The following GLRX2 variants were observed in gnomAD, a reference collection of about 807,000 sequenced individuals.
GLRX2 encodes bA101E13.1 (GRX2 glutaredoxin (thioltransferase) 2).
Under a neutral mutation model 16.4 loss-of-function variants are expected in GLRX2, and 12 were observed. The observed-to-expected ratio is 0.73, with a 90% CI of 0.47 to 1.19. The LOEUF is 1.19. Ranked by LOEUF, GLRX2 falls within the 50% of genes most tolerant of loss-of-function variation. The pLI, the probability that GLRX2 is intolerant of heterozygous loss-of-function variation, is 0.00. For missense variants in GLRX2, 201 were observed against 201.8 expected, an observed-to-expected ratio of 1.00 and a Z score of 0.02; for synonymous variants, 95 against 76.2, an observed-to-expected ratio of 1.25 and a Z score of -1.28.
chr1:193,104,967 A>G (rs772069100), intron 1 of GLRX2, among the ~76,000 whole-genome samples: 3 of 152,254 alleles, frequency 2.0e-5, no homozygotes, highest in Non-Finnish European at 2.9e-5. Context: ...AGAAATTCCA[A>G]TTGATTGCGG....
rs770184070 is a variant in GLRX2, at chr1:193,096,578, C to A, written c.*47G>T. On this transcript the variant is annotated 3_prime_UTR_variant, in exon 4 of 4. Coordinates refer to ENST00000367439, the MANE Select transcript of GLRX2 (RefSeq NM_197962.3). ...TTTAAAAGACATTATCGGGCATTAC[C>A]ACTTTAAATAACTGACACTGTACTA... 1.3e-5 allele frequency: 14 copies of A among 1,091,730 alleles called. No homozygotes were observed. In the African/African-American group the frequency reaches 2.2e-4, roughly 17 times the overall value. The allele number at this position is 1,091,730 out of a possible 1,614,324, so 67.6% of individuals were successfully genotyped here.
At chr1:193,104,905 T>G (rs948389880) in intron 1 of GLRX2, among the ~76,000 whole-genome samples, 1 of 152,266 alleles carries the variant, frequency 6.6e-6, no homozygotes, top group Non-Finnish European at 1.5e-5. Flanking sequence ...TTTTCCTATG[T>G]CCACTGCAGT....
intron 1 of GLRX2, among the ~76,000 whole-genome samples, chr1:193,103,910 T>C (rs546684758): frequency 2.0e-5 from 3 of 152,106 alleles, no homozygotes; most frequent in African/African-American, 7.2e-5. Context: ...AGCTTTAAGA[T>C]AAAAGAAAGT....
intron 1 of GLRX2, among the ~76,000 whole-genome samples, chr1:193,102,809 A>T (rs536096753): frequency 7.9e-5 from 12 of 152,312 alleles, no homozygotes; most frequent in Middle Eastern, 3.4e-3. Flanking sequence ...TTACATGGAA[A>T]ATTTCAGAAG....
chr1:193,099,913 G>A (rs1043370705), intron 2 of GLRX2, among the ~76,000 whole-genome samples: 6 of 152,142 alleles, frequency 3.9e-5, no homozygotes, highest in East Asian at 1.9e-4. Context: ...TGAGTGGTTC[G>A]TAATACTGGG....
rs779631502 is a variant in GLRX2, at chr1:193,097,559, A to G, written c.360+25T>C. 1.9e-6 allele frequency: 3 copies of G among 1,550,646 alleles called. No individual in the cohort carries two copies. In the Admixed American group the frequency reaches 6.1e-5, roughly 31 times the overall value. ...CTAGTTTACAACCTATTAAAGAGGAACAGCACCACAGAGGATATACTCACA... is the reference window on the plus strand; with the variant it reads ...CTAGTTTACAACCTATTAAAGAGGAGCAGCACCACAGAGGATATACTCACA... On this transcript the variant is annotated intron_variant, in intron 3 of 3. Transcript: ENST00000367439.
Position 193,096,760 on chromosome 1 carries a change from C to A in GLRX2, c.361-1G>T. 1 of 1,600,682 alleles carries A rather than the reference C, an allele frequency of 6.2e-7. No homozygotes were observed. ...TACCATTGACAAATATTCTTGGAAC[C>A]TGTTGGACAAACAAAAGAAGAATTA... On this transcript the variant is annotated splice_acceptor_variant, in intron 3 of 3. Coordinates refer to ENST00000367439, the MANE Select transcript of GLRX2 (RefSeq NM_197962.3). LOFTEE classifies it high-confidence loss of function.
Position 193,096,772 on chromosome 1 carries a change from CA to C in GLRX2, c.361-14del. ...ATATTCTTGGAACCTGTTGGACAAACAAAAGAAGAATTAGGCTTTACTCTAG... is the reference window on the plus strand; with the variant it reads ...ATATTCTTGGAACCTGTTGGACAAACAAAGAAGAATTAGGCTTTACTCTAG... On this transcript the variant is annotated splice_polypyrimidine_tract_variant and intron_variant, in intron 3 of 3. Transcript: ENST00000367439. The C allele has an allele frequency of 6.3e-7, 1 of 1,592,800 alleles. No individual in the cohort carries two copies.
Position 193,105,270 on chromosome 1 carries a change from G to T in GLRX2, c.113C>A (p.Ala38Asp). ...CTGCCCGCTGACCCCGTACCCAGAG[G>T]CCGCAGCTGCCGCAGCTCCCGCAGC... ...AGAAGAAAAA[A>D]SGMESNTSSS... The change falls in exon 1 of 4, where the codon GCC (alanine) becomes GAC (aspartate). Residue 38 changes from alanine to aspartate, a missense_variant. By Grantham distance (126) the Ala-to-Asp change is moderately radical. Transcript: ENST00000367439. 6.5e-7 allele frequency: 1 copy of T among 1,527,550 alleles called. No individual in the cohort carries two copies. 94.6% of individuals were successfully genotyped at this position (1,527,550 alleles called of 1,614,324 possible). A position where few individuals can be genotyped will look rare whatever the true frequency, so the allele number is the denominator to read the frequency against.
chr1:193,097,272 C>G (rs1674978029), intron 3 of GLRX2, among the ~76,000 whole-genome samples: 1 of 152,212 alleles, frequency 6.6e-6, no homozygotes, highest in Admixed American at 6.5e-5. Context: ...AGACCAACCC[C>G]TGTATTGCCC....
upstream of GLRX2, chr1:193,105,688 TC>T: frequency 6.5e-7 from 1 of 1,550,088 alleles, no homozygotes. Flanking sequence ...TCATAAAGGC[TC>T]CCAGGCACTT....
chr1:193,102,747 C>T (rs1558268145), intron 1 of GLRX2, among the ~76,000 whole-genome samples: 1 of 152,202 alleles, frequency 6.6e-6, no homozygotes, highest in Non-Finnish European at 1.5e-5. Flanking sequence ...ACACAGTAGT[C>T]CCCCTTTATC....
rs1371574364 is a variant in GLRX2, at chr1:193,105,288, C to T, written c.95G>A (p.Gly32Glu). 2 of 1,528,780 alleles carry T rather than the reference C, an allele frequency of 1.3e-6. No individual in the cohort carries two copies. The highest frequency in any genetic ancestry group is 1.7e-6 in the Non-Finnish European group (2 of 1,146,808). 94.7% of individuals were successfully genotyped at this position (1,528,780 alleles called of 1,614,324 possible). A position where few individuals can be genotyped will look rare whatever the true frequency, so the allele number is the denominator to read the frequency against. ...CCCAGAGGCCGCAGCTGCCGCAGCT[C>T]CCGCAGCTCCCGCCGCCCTGTCAAG... is the stretch of plus-strand genomic sequence containing the variant. ...GWLDRAAGAA[G>E]AAAAAASGME... The change falls in exon 1 of 4, where the codon GGA becomes GAA. Residue 32 changes from glycine (G) to glutamate (E), a missense_variant. By Grantham distance (98) the Gly-to-Glu change is moderately conservative (BLOSUM62 -2). Coordinates refer to ENST00000367439, the MANE Select transcript of GLRX2 (RefSeq NM_197962.3).
intron 2 of GLRX2, among the ~76,000 whole-genome samples, chr1:193,098,638 G>A (rs1055245623): frequency 3.3e-5 from 5 of 151,980 alleles, no homozygotes; most frequent in African/African-American, 7.3e-5. Flanking sequence ...AGCAACCTGC[G>A]CCTCCCAGGT....
intron 2 of GLRX2, 38 bp from the exon 3 acceptor site, chr1:193,097,798 C>T (rs1376871772): frequency 8.6e-6 from 12 of 1,387,956 alleles, no homozygotes; most frequent in Non-Finnish European, 1.1e-5. Flanking sequence ...TAATTCTAGA[C>T]ATTACCATTT....
In GLRX2 at chr1:193,099,242, C is replaced by CT. The variant is rs575154405; in HGVS notation, c.184-1483dup. Among the ~76,000 whole-genome samples, 289 of 152,270 alleles carry CT rather than the reference C, an allele frequency of 1.9e-3. 4 individuals carry two copies. The highest frequency in any genetic ancestry group is 6.6e-3 in the African/African-American group (274 of 41,568). On this transcript the variant is annotated intron_variant, in intron 2 of 3. Transcript: ENST00000367439. ...CATCCACGCAGCCTATGAAGTTTTT[C>CT]TTTTTGTTTTTTGTTTCTAAACATA...
chr1:193,102,370 G>A (rs761952920), intron 1 of GLRX2, among the ~76,000 whole-genome samples: 12 of 152,028 alleles, frequency 7.9e-5, no homozygotes, highest in Non-Finnish European at 1.8e-4. Context: ...TCTTCTTTTT[G>A]AGATGGAGTC....
chr1:193,105,016 C>T (rs1354568916), intron 1 of GLRX2, among the ~76,000 whole-genome samples: 1 of 152,194 alleles, frequency 6.6e-6, no homozygotes, highest in East Asian at 1.9e-4. Flanking sequence ...GAGGGATGGC[C>T]TAAGTGAACA....
At chr1:193,104,723 G>A (rs12118724) in intron 1 of GLRX2, among the ~76,000 whole-genome samples, 6,322 of 152,352 alleles carry the variant, frequency 0.041, 125 homozygotes, top group Middle Eastern at 0.048. Context: ...ACTATCCTCG[G>A]TCTAGCCGCA....
Sources: gnomAD v4.1 joint callset for allele counts (sites outside exome capture counted in the v4.1 genomes callset) on GRCh38, gnomAD v4.1.1 for gene constraint, MANE v1.5 for transcripts, NCBI Gene and HGNC (gene_info 2026-07-23, HGNC 2026-07-21) for gene names.